Variants in VPS50 observed in about 807,000 individuals in gnomAD.
VPS50 encodes the protein syndetin.
VPS50 carries 70 observed loss-of-function variants against 139.7 expected under a neutral mutation model. The observed-to-expected ratio is 0.50, with a 90% CI of 0.41 to 0.61. The LOEUF (loss-of-function observed/expected upper bound fraction) is 0.61, where lower values mean the gene tolerates loss of function less well. Among genes scored for constraint, VPS50 ranks in the 20% least tolerant of loss-of-function variants. The probability of loss-of-function intolerance (pLI) is 0.00; values close to 1 mark genes in which losing one functional copy is unlikely to be tolerated. For missense variants in VPS50, 921 were observed against 1,133.7 expected, an observed-to-expected ratio of 0.81 and a Z score of 2.69; for synonymous variants, 365 against 376.7, an observed-to-expected ratio of 0.97 and a Z score of 0.36.
intron 21 of VPS50, among the ~76,000 whole-genome samples, chr7:93,328,893 A>T (rs1209515374): frequency 6.6e-6 from 1 of 152,198 alleles, no homozygotes; most frequent in Admixed American, 6.5e-5. Context: ...ATCCATGATT[A>T]TATGGAACAA....
chr7:93,276,391 A>G (rs1351121753), intron 12 of VPS50, 86 bp downstream of exon 12: 1 of 1,391,414 alleles, frequency 7.2e-7, no homozygotes, highest in Non-Finnish European at 9.5e-7. Flanking sequence ...TACCTATTTG[A>G]AAATGCTACT....
At chr7:93,281,575 C>G (rs1402557920) in intron 12 of VPS50, among the ~76,000 whole-genome samples, 2 of 152,116 alleles carry the variant, frequency 1.3e-5, no homozygotes, top group Non-Finnish European at 2.9e-5. Context: ...CTGCTGCCTC[C>G]TTACCCTTTT....
At chr7:93,247,570 G>A (rs1283493710) in intron 2 of VPS50, among the ~76,000 whole-genome samples, 3 of 151,780 alleles carry the variant, frequency 2.0e-5, no homozygotes, top group African/African-American at 7.3e-5. Flanking sequence ...TGAACCCACC[G>A]TCTGATGCCT....
At chr7:93,293,959 A>G (rs1450973894) in intron 13 of VPS50, among the ~76,000 whole-genome samples, 2 of 152,196 alleles carry the variant, frequency 1.3e-5, no homozygotes, top group South Asian at 4.1e-4. Flanking sequence ...TATTCACACA[A>G]AAGTTTCATC....
chr7:93,293,580 G>A lies in VPS50; in HGVS notation c.1076-965G>A, dbSNP rs370590776. On this transcript the variant is annotated intron_variant, in intron 13 of 27. Coordinates refer to ENST00000305866, the MANE Select transcript of VPS50 (RefSeq NM_017667.4). ...TCCTTTTATATTCAGGAATAAAATT[G>A]TAGAAATTAGTAAATTGAAAATTAC... Among the ~76,000 whole-genome samples, 8 of 152,252 alleles carry A rather than the reference G, an allele frequency of 5.3e-5. No individual in the cohort carries two copies. In the East Asian group the frequency reaches 1.2e-3, roughly 22 times the overall value.
intron 21 of VPS50, among the ~76,000 whole-genome samples, chr7:93,333,397 TTAA>T (rs1797989948): frequency 1.3e-5 from 2 of 152,202 alleles, no homozygotes; most frequent in African/African-American, 4.8e-5. Context: ...TAGCTTACTC[TTAA>T]TAATGTTTTA....
intron 19 of VPS50, among the ~76,000 whole-genome samples, chr7:93,309,293 G>A (rs1797200966): frequency 6.6e-6 from 1 of 151,968 alleles, no homozygotes; most frequent in Non-Finnish European, 1.5e-5. Flanking sequence ...AGTGGCTAGT[G>A]TTAATGTAGC....
At chr7:93,341,401 A>C (rs756199780) in intron 22 of VPS50, 26 bp from the exon 23 acceptor site, 3 of 1,541,950 alleles carry the variant, frequency 1.9e-6, no homozygotes, top group Non-Finnish European at 2.6e-6. Context: ...TTGTTATTCC[A>C]GGTTGTATAT....
intron 19 of VPS50, among the ~76,000 whole-genome samples, chr7:93,310,924 T>A (rs991719775): frequency 6.6e-6 from 1 of 152,114 alleles, no homozygotes; most frequent in Non-Finnish European, 1.5e-5. Flanking sequence ...GAGATGTAGC[T>A]TTTTTAGTGG....
chr7:93,294,794 A>T (rs1584437988), intron 14 of VPS50, among the ~76,000 whole-genome samples, 158 bp downstream of exon 14: 1 of 152,286 alleles, frequency 6.6e-6, no homozygotes, highest in South Asian at 2.1e-4. Flanking sequence ...TCTGTAATGT[A>T]TTTGGACTAT....
intron 1 of VPS50, among the ~76,000 whole-genome samples, chr7:93,233,926 G>A (rs1047714697): frequency 1.3e-5 from 2 of 152,244 alleles, no homozygotes. Flanking sequence ...TCAAGGAAGT[G>A]CTTGAACGCA....
Position 93,320,812 on chromosome 7 carries a change from C to T in VPS50, c.1856-2799C>T, listed in dbSNP as rs1371137389. ...GTTACAGTTTGTCCCATATGTGAAC[C>T]TGTAGCTTGATCGTTTTTCAGCCCC... On this transcript the variant is annotated intron_variant, in intron 20 of 27. Transcript: ENST00000305866. 2.0e-5 allele frequency: 3 copies of T among 152,492 alleles called. No homozygotes were observed. The East Asian group carries it at 5.8e-4, about 29-fold the overall frequency. The allele number at this position is 152,492 out of a possible 1,614,324, so 9.4% of individuals were successfully genotyped here.
intron 10 of VPS50, among the ~76,000 whole-genome samples, chr7:93,272,351 C>G (rs913594721): frequency 7.2e-5 from 11 of 151,742 alleles, no homozygotes; most frequent in Admixed American, 7.2e-4. Flanking sequence ...GAGTAAGATT[C>G]ATTACAAAAC....
At chr7:93,321,156 C>A (rs1023954124) in intron 20 of VPS50, 2 of 152,182 alleles carry the variant, frequency 1.3e-5, no homozygotes, top group African/African-American at 2.4e-5. Context: ...GAATTGTTGC[C>A]ACAGAGACTG....
At chr7:93,278,084 G>A (rs1796211520) in intron 12 of VPS50, among the ~76,000 whole-genome samples, 2 of 152,030 alleles carry the variant, frequency 1.3e-5, no homozygotes, top group Non-Finnish European at 2.9e-5. Context: ...AATCTGTTGT[G>A]TGTGTTTGTG....
At chr7:93,286,852 G>C (rs925890928) in intron 12 of VPS50, among the ~76,000 whole-genome samples, 22 of 152,014 alleles carry the variant, frequency 1.4e-4, no homozygotes, top group Admixed American at 1.3e-3. Flanking sequence ...AGAAGCATTT[G>C]TCACTGTGAC....
rs143834888 is a variant in VPS50 at position 93,327,897 on chromosome 7, G to T, written c.1977+4165G>T. On this transcript the variant is annotated intron_variant, in intron 21 of 27. Transcript: ENST00000305866. Reference sequence around the variant, plus strand: ...TGTGGTGGTATCTGCTTTTCTGTCAGAAGAAAGGGACTTGTGTGAGAGAAT... The same window carrying T: ...TGTGGTGGTATCTGCTTTTCTGTCATAAGAAAGGGACTTGTGTGAGAGAAT... Among the ~76,000 whole-genome samples the T allele has an allele frequency of 9.8e-3, 1,493 of 152,266 alleles. 29 individuals carry two copies. Among genetic ancestry groups the T allele is most frequent in the African/African-American group, 0.034 (1,408 of 41,532 alleles).
chr7:93,247,868 T>C (rs1216408485), intron 2 of VPS50, among the ~76,000 whole-genome samples: 1 of 152,016 alleles, frequency 6.6e-6, no homozygotes, highest in Non-Finnish European at 1.5e-5. Context: ...TTTTTGCCTT[T>C]TATGCTTTTG....
At chr7:93,266,694 G>A (rs898876671) in intron 9 of VPS50, among the ~76,000 whole-genome samples, 9 of 152,048 alleles carry the variant, frequency 5.9e-5, no homozygotes, top group Non-Finnish European at 1.0e-4. Context: ...TGACCATAAT[G>A]TTGCATTTAT....
Sources: gnomAD v4.1 joint callset for allele counts (sites outside exome capture counted in the v4.1 genomes callset) on GRCh38, gnomAD v4.1.1 for gene constraint, MANE v1.5 for transcripts, NCBI Gene and HGNC (gene_info 2026-07-23, HGNC 2026-07-21) for gene names.